Variants in HAVCR1 observed in about 807,000 individuals in gnomAD.
HAVCR1 encodes the protein hepatitis A virus cellular receptor 1, also known as T cell immunoglobin domain and mucin domain protein 1.
A neutral mutation model predicts 32.0 loss-of-function variants in HAVCR1; 34 were observed. The ratio of observed to expected loss-of-function variants is 1.06; its 90% CI spans 0.81 to 1.42. The LOEUF (loss-of-function observed/expected upper bound fraction) is 1.42. Ranked by LOEUF, HAVCR1 falls within the 40% of genes most tolerant of loss-of-function variation. The pLI is 0.00. For missense variants in HAVCR1, 420 were observed against 442.3 expected (o/e 0.95, Z 0.45); for synonymous variants, 178 against 170.3 (o/e 1.05, Z -0.35).
At chr5:157,063,183 C>T (rs1213729047), upstream of HAVCR1, among the ~76,000 whole-genome samples, 1 of 145,550 alleles carries the variant, frequency 6.9e-6, no homozygotes, top group African/African-American at 2.6e-5. Flanking sequence ...AAAGTGTACT[C>T]ATTTAACAAT....
intron 2 of HAVCR1, among the ~76,000 whole-genome samples, chr5:157,057,395 GA>G (rs1323007333): frequency 2.6e-4 from 3 of 11,616 alleles, no homozygotes; most frequent in African/African-American, 5.5e-4. Context: ...AGGAAAGAAA[GA>G]AAGAAAGAAA....
chr5:157,053,179 G>A (rs1450278581), intron 3 of HAVCR1, among the ~76,000 whole-genome samples: 1 of 147,968 alleles, frequency 6.8e-6, no homozygotes, highest in African/African-American at 2.5e-5. Context: ...TTCAGCTCAG[G>A]AGTTCAGAGT....
At chr5:157,047,090 T>C (rs1051841196) in intron 5 of HAVCR1, among the ~76,000 whole-genome samples, 1 of 152,134 alleles carries the variant, frequency 6.6e-6, no homozygotes, top group African/African-American at 2.4e-5. Flanking sequence ...GGTAAGTATG[T>C]TTGACCTCAG....
rs115990453 is a variant in HAVCR1 at position 157,046,662 on chromosome 5, A to G, written c.781+2376T>C. 2.1e-3 allele frequency among the ~76,000 whole-genome samples: 319 copies of G among 152,330 alleles called. 1 individual carries two copies. The highest frequency in any genetic ancestry group is 7.0e-3 in the African/African-American group (293 of 41,570). On this transcript the variant is annotated intron_variant, in intron 5 of 8. Coordinates refer to ENST00000523175, the MANE Select transcript of HAVCR1 (RefSeq NM_001173393.3). The stretch of plus-strand genomic sequence containing the variant: ...TCACAGTTCGAGGCTGGGTAGTCCA[A>G]GATCAAGGCACAGGCTGATTACTCA...
chr5:157,041,178 T>C (rs987666741), intron 6 of HAVCR1, among the ~76,000 whole-genome samples: 4 of 152,134 alleles, frequency 2.6e-5, no homozygotes, highest in African/African-American at 9.7e-5. Context: ...GAATCAAAGT[T>C]ATTATCTAGG....
chr5:157,053,922 T>G (rs1315782853), intron 3 of HAVCR1, among the ~76,000 whole-genome samples: 6 of 151,952 alleles, frequency 3.9e-5, no homozygotes, highest in Non-Finnish European at 7.4e-5. Flanking sequence ...GGCTCATGTC[T>G]GTAGGCCCAG....
At chr5:157,059,996 GA>G (rs900601354), upstream of HAVCR1, among the ~76,000 whole-genome samples, 17 of 145,264 alleles carry the variant, frequency 1.2e-4, no homozygotes, top group African/African-American at 3.0e-4. Context: ...AAAAAAGATT[GA>G]AAAAAAAAAG....
At chr5:157,032,704 T>C (rs1487188749) in intron 8 of HAVCR1, 150 bp downstream of exon 8, 1 of 633,140 alleles carries the variant, frequency 1.6e-6, no homozygotes, top group Non-Finnish European at 2.8e-6. Flanking sequence ...CAAATATCAC[T>C]GGAAGGTGTA....
chr5:157,052,193 C>T (rs2279804), intron 4 of HAVCR1, among the ~76,000 whole-genome samples, 168 bp downstream of exon 4: 80,574 of 152,074 alleles, frequency 0.53, 21,771 homozygotes, highest in Middle Eastern at 0.71. Context: ...GTGCAAAAGA[C>T]GCATACAACT....
At chr5:157,031,794 CAAAAAAAAA>C (rs57821791) in intron 8 of HAVCR1, among the ~76,000 whole-genome samples, 1 of 106,570 alleles carries the variant, frequency 9.4e-6, no homozygotes, top group Non-Finnish European at 1.9e-5. Flanking sequence ...CTGGGTGTCT[CAAAAAAAAA>C]AAAAAAAAAA....
chr5:157,064,696 G>A, the HAVCR1 span, among the ~76,000 whole-genome samples: 1 of 151,922 alleles, frequency 6.6e-6, no homozygotes, highest in African/African-American at 2.4e-5. Context: ...GCAAAACCCT[G>A]TCTCTACTAA....
upstream of HAVCR1, among the ~76,000 whole-genome samples, chr5:157,061,118 G>A (rs1756480953): frequency 6.6e-6 from 1 of 152,070 alleles, no homozygotes; most frequent in Non-Finnish European, 1.5e-5. Context: ...GGCTGGGCTG[G>A]AACTCCTGGC....
At chr5:157,048,918 A>G (rs1755575206) in intron 5 of HAVCR1, 120 bp downstream of exon 5, 1 of 676,950 alleles carries the variant, frequency 1.5e-6, no homozygotes. Flanking sequence ...CAAATGACTG[A>G]TCTGTGTGCC....
chr5:157,038,819 A>T (rs984263354), intron 6 of HAVCR1, among the ~76,000 whole-genome samples: 5 of 152,190 alleles, frequency 3.3e-5, no homozygotes, highest in African/African-American at 1.2e-4. Context: ...GCTAAGCATA[A>T]AAAAGGAAAA....
intron 4 of HAVCR1, among the ~76,000 whole-genome samples, chr5:157,051,499 A>C (rs1398104611): frequency 6.6e-6 from 1 of 152,112 alleles, no homozygotes; most frequent in African/African-American, 2.4e-5. Context: ...AGAGATCAAA[A>C]CGTGACTCGA....
chr5:157,032,954 C>A (rs1278349156), intron 7 of HAVCR1, 67 bp from the exon 8 acceptor site: 2 of 976,206 alleles, frequency 2.0e-6, no homozygotes, highest in Non-Finnish European at 1.6e-6. Context: ...GAGTTTTAAT[C>A]TTTTTTTCAA....
At chr5:157,050,007 T>G (rs111549710) in intron 4 of HAVCR1, among the ~76,000 whole-genome samples, 20 of 152,316 alleles carry the variant, frequency 1.3e-4, no homozygotes, top group African/African-American at 4.8e-4. Flanking sequence ...TTTACATGAT[T>G]CCCTTCTCTT....
At chr5:157,060,302 A>G (rs562162038), upstream of HAVCR1, among the ~76,000 whole-genome samples, 1 of 152,142 alleles carries the variant, frequency 6.6e-6, no homozygotes, top group Non-Finnish European at 1.5e-5. Flanking sequence ...GACCTACCCC[A>G]TAGATTTCTT....
In HAVCR1 at chr5:157,037,304, C is replaced by T; in HGVS notation, c.895G>A (p.Gly299Arg). Reference sequence around the variant, plus strand: ...AGCACCAAGACAGAAATACAGACTCCAGCATAGATTCCTTTAGTGGTATTG... The same window carrying T: ...AGCACCAAGACAGAAATACAGACTCTAGCATAGATTCCTTTAGTGGTATTG... Reference protein sequence around the residue: ...TANTTKGIYAGVCISVLVLLA... With the variant: ...TANTTKGIYARVCISVLVLLA... The change falls in exon 7 of 9, where the codon GGA becomes AGA. Residue 299 changes from glycine (G) to arginine (R), a missense_variant. Transcript: ENST00000523175. 6.2e-7 allele frequency: 1 copy of T among 1,608,028 alleles called. No individual in the cohort carries two copies. The highest frequency in any genetic ancestry group is 1.3e-5 in the African/African-American group (1 of 74,944).
Sources: allele counts gnomAD v4.1 joint callset (sites outside exome capture counted in the v4.1 genomes callset), GRCh38; gene constraint gnomAD v4.1.1; transcripts MANE v1.5; gene names NCBI Gene and HGNC (gene_info 2026-07-23, HGNC 2026-07-21).